The following ABCA5 variants were observed in gnomAD, a reference collection of about 807,000 sequenced individuals.
ABCA5 encodes cholesterol transporter ABCA5.
ABCA5 carries 163 observed loss-of-function variants against 206.0 expected under a neutral mutation model. That is an observed-to-expected ratio of 0.79 (90% confidence interval 0.70 to 0.90). ABCA5 has a LOEUF of 0.90. Ranked by LOEUF, ABCA5 falls within the 40% of genes least tolerant of loss-of-function variation. The pLI is 0.00. For synonymous variants in ABCA5, 609 were observed against 613.8 expected (o/e 0.99, Z 0.11); for missense variants, 1,859 against 1,912.9 (o/e 0.97, Z 0.53).
intron 20 of ABCA5, among the ~76,000 whole-genome samples, chr17:69,272,046 TAGAG>T (rs1388275933): frequency 6.6e-6 from 1 of 152,260 alleles, no homozygotes; most frequent in East Asian, 1.9e-4. Flanking sequence ...AATGTGACTT[TAGAG>T]AGAAATTTAA....
At chr17:69,299,698 G>A (rs2075630938) in intron 9 of ABCA5, among the ~76,000 whole-genome samples, 1 of 151,896 alleles carries the variant, frequency 6.6e-6, no homozygotes, top group African/African-American at 2.4e-5. Flanking sequence ...GGGGCTCAGG[G>A]AAAAGGTGGG....
chr17:69,252,486 G>GT (rs2075026931), intron 34 of ABCA5, among the ~76,000 whole-genome samples: 1 of 151,980 alleles, frequency 6.6e-6, no homozygotes, highest in Non-Finnish European at 1.5e-5. Context: ...TAAGAAAACC[G>GT]TAACATGCAT....
intron 19 of ABCA5, among the ~76,000 whole-genome samples, chr17:69,276,743 A>C (rs2075336384): frequency 6.6e-6 from 1 of 152,206 alleles, no homozygotes; most frequent in Non-Finnish European, 1.5e-5. Flanking sequence ...TGGCACATGC[A>C]TACCTATGTA....
At chr17:69,257,848 A>G (rs1232406998) in intron 28 of ABCA5, among the ~76,000 whole-genome samples, 2 of 152,198 alleles carry the variant, frequency 1.3e-5, no homozygotes, top group Non-Finnish European at 2.9e-5. Flanking sequence ...TATATAGAAT[A>G]AATGAAGATT....
chr17:69,271,658 G>A (rs1032327075), intron 20 of ABCA5, among the ~76,000 whole-genome samples: 2 of 151,818 alleles, frequency 1.3e-5, no homozygotes, highest in African/African-American at 4.9e-5. Flanking sequence ...TGCTGCTGCT[G>A]CCACCACTGC....
Position 69,255,867 on chromosome 17 carries a change from T to C in ABCA5, c.3859-17A>G. 6.6e-7 allele frequency: 1 copy of C among 1,517,504 alleles called. No individual in the cohort carries two copies. Among genetic ancestry groups the C allele is most frequent in the Non-Finnish European group, 8.9e-7 (1 of 1,122,958 alleles). The allele number at this position is 1,517,504 out of a possible 1,614,324, so 94.0% of individuals were successfully genotyped here. ...GGATGGTTTCTAATAAGAAAAATTG[T>C]ATTTAAAAAGAAAGTTATAAAACTT... On this transcript the variant is annotated splice_polypyrimidine_tract_variant and intron_variant, in intron 29 of 38. Transcript: ENST00000392676.
intron 14 of ABCA5, 42 bp from the exon 15 acceptor site, chr17:69,287,793 A>G: frequency 6.3e-7 from 1 of 1,581,984 alleles, no homozygotes; most frequent in African/African-American, 1.4e-5. Context: ...ATCCTCAGAA[A>G]AACTAAATAT....
At chr17:69,305,700 G>A (rs532684375) in intron 6 of ABCA5, among the ~76,000 whole-genome samples, 49 of 152,008 alleles carry the variant, frequency 3.2e-4, no homozygotes, top group African/African-American at 1.0e-3. Context: ...CGAGACCCCC[G>A]TCCCTACAAA....
At chr17:69,267,870 C>A in intron 23 of ABCA5, 73 bp downstream of exon 23, 1 of 736,184 alleles carries the variant, frequency 1.4e-6, no homozygotes, top group East Asian at 2.7e-5. Flanking sequence ...CTAAGCCTTG[C>A]AATCAAGCAA....
rs2074985068 is a variant in ABCA5, at chr17:69,249,194, T to A, written c.4765+711A>T. The stretch of plus-strand genomic sequence containing the variant: ...TCAGTAATCACATAAAGAACAATCA[T>A]AAAAATCCTGTAGTTATTTTGAAAA... On this transcript the variant is annotated intron_variant, in intron 37 of 38. Coordinates refer to ENST00000392676, the MANE Select transcript of ABCA5 (RefSeq NM_172232.4). 3 of 152,280 alleles carry A rather than the reference T, an allele frequency of 2.0e-5. No individual in the cohort carries two copies. In the South Asian group the frequency reaches 6.2e-4, roughly 32 times the overall value. The allele number at this position is 152,280 out of a possible 1,614,324, so 9.4% of individuals were successfully genotyped here. A position where few individuals can be genotyped will look rare whatever the true frequency, so the allele number is the denominator to read the frequency against.
intron 1 of ABCA5, among the ~76,000 whole-genome samples, chr17:69,323,013 C>G (rs755072057): frequency 5.3e-5 from 8 of 152,164 alleles, no homozygotes; most frequent in Non-Finnish European, 1.2e-4. Flanking sequence ...TTAGAGGTTA[C>G]TTCTCATCCA....
At chr17:69,305,987 T>A (rs1173995805) in intron 6 of ABCA5, among the ~76,000 whole-genome samples, 1 of 152,196 alleles carries the variant, frequency 6.6e-6, no homozygotes, top group Non-Finnish European at 1.5e-5. Flanking sequence ...AATTGTTACA[T>A]TGGGCTAATT....
chr17:69,317,930 GA>G (rs1206549500), intron 1 of ABCA5: 5 of 152,144 alleles, frequency 3.3e-5, no homozygotes, highest in Admixed American at 3.3e-4. Flanking sequence ...AAGAAGTATT[GA>G]GAAGATAGCA....
At chr17:69,253,458 C>A in intron 34 of ABCA5, 115 bp downstream of exon 34, 1 of 588,178 alleles carries the variant, frequency 1.7e-6, no homozygotes, top group African/African-American at 1.9e-5. Context: ...ACTAGTGTAT[C>A]GTTTGAATAG....
At chr17:69,251,623 C>T (rs2075014351) in intron 35 of ABCA5, 124 bp downstream of exon 35, 3 of 1,329,280 alleles carry the variant, frequency 2.3e-6, no homozygotes, top group African/African-American at 1.5e-5. Context: ...CTATCAAAAG[C>T]TAACTCAAAA....
intron 34 of ABCA5, 148 bp downstream of exon 34, chr17:69,253,425 C>T: frequency 2.1e-6 from 1 of 487,274 alleles, no homozygotes; most frequent in Non-Finnish European, 3.5e-6. Context: ...AAGGAAATCT[C>T]TAAATCTATT....
chr17:69,261,781 T>C (rs2144913712), intron 24 of ABCA5, 33 bp from the exon 25 acceptor site: 1 of 946,804 alleles, frequency 1.1e-6, no homozygotes, highest in Admixed American at 3.3e-5. Context: ...TATAAAAATA[T>C]GAATAGCTTG....
chr17:69,288,246 T>A (rs1421040535), intron 14 of ABCA5, among the ~76,000 whole-genome samples: 1 of 152,086 alleles, frequency 6.6e-6, no homozygotes, highest in East Asian at 1.9e-4. Context: ...CAAGGGGGAA[T>A]GTGGCAGGAT....
At position 69,246,114 on chromosome 17, in the gene ABCA5, A is replaced by G. The variant is rs1337448899; in HGVS notation, c.*1423T>C. 1 of 152,018 alleles carries G rather than the reference A, an allele frequency of 6.6e-6. No individual in the cohort carries two copies. Among genetic ancestry groups the G allele is most frequent in the East Asian group, 1.9e-4 (1 of 5,198 alleles). The allele number at this position is 152,018 out of a possible 1,614,324, so 9.4% of individuals were successfully genotyped here. A position where few individuals can be genotyped will look rare whatever the true frequency, so the allele number is the denominator to read the frequency against. ...CACGTACTTTGTACCGAGAAAGAAC[A>G]CTTTTAAATCCACTGCTAGAGCCTA... On this transcript the variant is annotated 3_prime_UTR_variant, in exon 39 of 39. Coordinates refer to ENST00000392676, the MANE Select transcript of ABCA5 (RefSeq NM_172232.4).
Sources: gnomAD v4.1 joint callset for allele counts (sites outside exome capture counted in the v4.1 genomes callset) on GRCh38, gnomAD v4.1.1 for gene constraint, MANE v1.5 for transcripts, NCBI Gene and HGNC (gene_info 2026-07-23, HGNC 2026-07-21) for gene names.